Variants in PTPRG observed in about 807,000 individuals in gnomAD.
PTPRG encodes the protein protein tyrosine phosphatase receptor type G.
Under a neutral mutation model 165.3 loss-of-function variants are expected in PTPRG, and 102 were observed. That is an observed-to-expected ratio of 0.62 (90% CI 0.53 to 0.73). The LOEUF (loss-of-function observed/expected upper bound fraction) is 0.73. Among genes scored for constraint, PTPRG ranks in the 30% least tolerant of loss-of-function variants. The pLI is 0.00. For missense variants in PTPRG, 1,866 were observed against 1,861.4 expected (o/e 1.00, Z -0.05); for synonymous variants, 675 against 669.5 (o/e 1.01, Z -0.13).
intron 1 of PTPRG, among the ~76,000 whole-genome samples, chr3:61,631,240 AG>A (rs1701767956): frequency 6.6e-6 from 1 of 152,106 alleles, no homozygotes; most frequent in South Asian, 2.1e-4. Flanking sequence ...ACCTTTTGCC[AG>A]GTGTGACAAT....
chr3:61,665,280 C>A (rs2107042518), intron 1 of PTPRG, among the ~76,000 whole-genome samples: 1 of 152,270 alleles, frequency 6.6e-6, no homozygotes, highest in South Asian at 2.1e-4. Flanking sequence ...TCAGTATTTT[C>A]ACTGTCTCTT....
At chr3:61,828,110 G>T (rs2036165438) in intron 2 of PTPRG, among the ~76,000 whole-genome samples, 1 of 152,052 alleles carries the variant, frequency 6.6e-6, no homozygotes, top group African/African-American at 2.4e-5. Context: ...TATTTCTCTG[G>T]TATGTGATTT....
At chr3:62,110,630 A>G (rs1194889335) in intron 5 of PTPRG, among the ~76,000 whole-genome samples, 1 of 152,108 alleles carries the variant, frequency 6.6e-6, no homozygotes, top group African/African-American at 2.4e-5. Context: ...AGAGTTTGCA[A>G]GGCAGCATAC....
At chr3:61,805,283 C>T (rs1327902011) in intron 2 of PTPRG, among the ~76,000 whole-genome samples, 1 of 152,114 alleles carries the variant, frequency 6.6e-6, no homozygotes, top group South Asian at 2.1e-4. Flanking sequence ...GCTGAACATT[C>T]TACAATGCAC....
At chr3:62,238,447 T>C (rs1701079253) in intron 14 of PTPRG, among the ~76,000 whole-genome samples, 1 of 152,174 alleles carries the variant, frequency 6.6e-6, no homozygotes, top group South Asian at 2.1e-4. Context: ...TTATTAATAA[T>C]ATTGAAATAA....
intron 9 of PTPRG, among the ~76,000 whole-genome samples, chr3:62,192,564 A>G (rs1699863909): frequency 1.3e-5 from 2 of 151,258 alleles, no homozygotes; most frequent in Admixed American, 6.6e-5. Flanking sequence ...ATCCGCCACC[A>G]TGCCTGGCTA....
chr3:61,796,334 G>A (rs990820248), intron 2 of PTPRG, among the ~76,000 whole-genome samples: 2 of 152,184 alleles, frequency 1.3e-5, no homozygotes, highest in African/African-American at 4.8e-5. Flanking sequence ...TTGCCCTGCA[G>A]CAAAGATTAT....
chr3:61,862,780 C>A (rs2037306795), intron 2 of PTPRG, among the ~76,000 whole-genome samples: 1 of 152,114 alleles, frequency 6.6e-6, no homozygotes, highest in South Asian at 2.1e-4. Flanking sequence ...TTGTAAAAAT[C>A]TATTTCAGGG....
intron 2 of PTPRG, among the ~76,000 whole-genome samples, chr3:61,807,059 G>A (rs781272737): frequency 1.8e-4 from 28 of 152,254 alleles, no homozygotes; most frequent in South Asian, 4.1e-4. Context: ...TGGACGGAGA[G>A]GACAATTCAG....
At chr3:62,066,179 C>T (rs1701007378) in intron 4 of PTPRG, among the ~76,000 whole-genome samples, 1 of 152,180 alleles carries the variant, frequency 6.6e-6, no homozygotes, top group African/African-American at 2.4e-5. Context: ...TTCATGACGT[C>T]ATCATTTCCC....
At chr3:61,676,675 A>C (rs977548769) in intron 1 of PTPRG, among the ~76,000 whole-genome samples, 3 of 151,968 alleles carry the variant, frequency 2.0e-5, no homozygotes, top group Non-Finnish European at 2.9e-5. Context: ...TCTATCGGGA[A>C]ATGGATAGTT....
intron 1 of PTPRG, among the ~76,000 whole-genome samples, chr3:61,721,631 G>A (rs2032048479): frequency 6.6e-6 from 1 of 152,070 alleles, no homozygotes; most frequent in East Asian, 1.9e-4. Flanking sequence ...TTAACACCAT[G>A]TCCTGCATAT....
intron 2 of PTPRG, chr3:61,753,721 G>C: frequency 2.5e-6 from 1 of 402,026 alleles, no homozygotes; most frequent in Non-Finnish European, 4.8e-6. Context: ...AGCCTCTCAA[G>C]TAGCTGGGAT....
At chr3:61,959,713 C>A (rs145714643) in intron 2 of PTPRG, among the ~76,000 whole-genome samples, 1 of 152,262 alleles carries the variant, frequency 6.6e-6, no homozygotes, top group Non-Finnish European at 1.5e-5. Flanking sequence ...TTGTGGTTTT[C>A]TTTTCAAAAT....
At chr3:62,158,922 T>C (rs1027176630) in intron 7 of PTPRG, among the ~76,000 whole-genome samples, 1 of 151,828 alleles carries the variant, frequency 6.6e-6, no homozygotes, top group African/African-American at 2.4e-5. Context: ...ATTGTTTCAT[T>C]AAAAAAAATA....
Position 61,590,297 on chromosome 3 carries a change from G to A in PTPRG, c.85+27925G>A, listed in dbSNP as rs559288576. On this transcript the variant is annotated intron_variant, in intron 1 of 29. Transcript: ENST00000474889. Reference sequence around the variant, plus strand: ...AGCACTTTGGGAGGCTGAGGTGGGCGGATCACTTGAGGTCAGGAGTTCAAG... The same window carrying A: ...AGCACTTTGGGAGGCTGAGGTGGGCAGATCACTTGAGGTCAGGAGTTCAAG... Among the ~76,000 whole-genome samples the A allele has an allele frequency of 2.6e-4, 39 of 152,052 alleles. No homozygotes were observed. The East Asian group carries it at 6.8e-3, about 26-fold the overall frequency.
intron 2 of PTPRG, among the ~76,000 whole-genome samples, chr3:61,871,118 A>C (rs148764657): frequency 9.4e-6 from 1 of 106,196 alleles, no homozygotes; most frequent in Non-Finnish European, 1.8e-5. Context: ...CTGTTATGTT[A>C]TGTTATGTTA....
intron 1 of PTPRG, among the ~76,000 whole-genome samples, chr3:61,733,272 A>G (rs541632544): frequency 3.3e-5 from 5 of 152,088 alleles, no homozygotes; most frequent in African/African-American, 9.7e-5. Flanking sequence ...AATCTTCATG[A>G]TTCATTTCTA....
chr3:61,907,480 C>A (rs918748830), intron 2 of PTPRG, among the ~76,000 whole-genome samples: 10 of 152,202 alleles, frequency 6.6e-5, no homozygotes, highest in African/African-American at 2.4e-4. Flanking sequence ...ACGATGAAAT[C>A]TCTTTGACAT....
Sources: allele counts gnomAD v4.1 joint callset (sites outside exome capture counted in the v4.1 genomes callset), GRCh38; gene constraint gnomAD v4.1.1; transcripts MANE v1.5; gene names NCBI Gene and HGNC (gene_info 2026-07-23, HGNC 2026-07-21).